TMEM117: variants seen among roughly 807,000 people sequenced by gnomAD.
TMEM117 encodes transmembrane protein 117.
Under a neutral mutation model 52.4 loss-of-function variants are expected in TMEM117, and 27 were observed. The observed-to-expected ratio is 0.51, with a 90% confidence interval of 0.38 to 0.71. The LOEUF (loss-of-function observed/expected upper bound fraction) is 0.71. TMEM117 is among the 30% of genes least tolerant of loss of function. The pLI, the probability that TMEM117 is intolerant of heterozygous loss-of-function variation, is 0.00. For synonymous variants in TMEM117, 215 were observed against 206.3 expected, an observed-to-expected ratio of 1.04 and a Z score of -0.36; for missense variants, 556 against 630.5, an observed-to-expected ratio of 0.88 and a Z score of 1.26.
chr12:44,386,061 C>A (rs952578298), intron 7 of TMEM117, among the ~76,000 whole-genome samples: 6 of 152,102 alleles, frequency 3.9e-5, no homozygotes, highest in Admixed American at 2.6e-4. Flanking sequence ...CAAAATCTTT[C>A]CTGCAGAAAG....
At chr12:44,290,824 A>ATT (rs1236965396) in intron 5 of TMEM117, among the ~76,000 whole-genome samples, 2 of 152,056 alleles carry the variant, frequency 1.3e-5, no homozygotes, top group African/African-American at 4.8e-5. Context: ...TTTTATATAT[A>ATT]AAAGCGAGGT....
intron 2 of TMEM117, among the ~76,000 whole-genome samples, chr12:43,871,713 T>TGTA (rs1943708034): frequency 6.6e-6 from 1 of 152,238 alleles, no homozygotes; most frequent in Non-Finnish European, 1.5e-5. Flanking sequence ...TTGATAATTT[T>TGTA]TGTTAAGAGA....
intron 3 of TMEM117, among the ~76,000 whole-genome samples, chr12:44,046,426 A>G (rs1946882113): frequency 6.6e-6 from 1 of 152,196 alleles, no homozygotes; most frequent in South Asian, 2.1e-4. Context: ...GCATGCATGG[A>G]ATATAGGTGA....
At chr12:44,326,081 T>C (rs1473550276) in intron 6 of TMEM117, among the ~76,000 whole-genome samples, 4 of 152,140 alleles carry the variant, frequency 2.6e-5, no homozygotes, top group Non-Finnish European at 5.9e-5. Context: ...GAGAATTGCT[T>C]GAACCTGGGA....
chr12:44,284,317 A>C (rs1356581930), intron 5 of TMEM117, among the ~76,000 whole-genome samples: 2 of 152,140 alleles, frequency 1.3e-5, no homozygotes, highest in Admixed American at 6.5e-5. Flanking sequence ...TCTCAAAAAA[A>C]AAACAACAAA....
At chr12:44,052,135 A>G (rs375070497) in intron 3 of TMEM117, among the ~76,000 whole-genome samples, 18 of 152,232 alleles carry the variant, frequency 1.2e-4, no homozygotes, top group South Asian at 4.1e-4. Context: ...CATATTAGCA[A>G]TGCTGACAAA....
intron 5 of TMEM117, among the ~76,000 whole-genome samples, chr12:44,227,430 G>A (rs576505782): frequency 2.0e-5 from 3 of 152,164 alleles, no homozygotes; most frequent in African/African-American, 7.2e-5. Context: ...CTCCAGCCTA[G>A]GTGACAGAGA....
At chr12:43,863,606 G>A (rs1290990395) in intron 2 of TMEM117, among the ~76,000 whole-genome samples, 1 of 152,200 alleles carries the variant, frequency 6.6e-6, no homozygotes, top group African/African-American at 2.4e-5. Flanking sequence ...CCCACAGAGG[G>A]AAGCCCCAAA....
chr12:43,958,867 C>T (rs532573276), intron 3 of TMEM117, among the ~76,000 whole-genome samples: 24 of 152,092 alleles, frequency 1.6e-4, no homozygotes, highest in African/African-American at 2.7e-4. Context: ...AGTGCAGTGG[C>T]GGGATCTCGG....
At chr12:44,133,901 A>G (rs575344088) in intron 3 of TMEM117, among the ~76,000 whole-genome samples, 2 of 152,216 alleles carry the variant, frequency 1.3e-5, no homozygotes, top group South Asian at 4.2e-4. Context: ...CTATACTACT[A>G]AATGATGTCT....
At chr12:44,009,919 G>T (rs1167414876) in intron 3 of TMEM117, 4 of 274,386 alleles carry the variant, frequency 1.5e-5, no homozygotes, top group Non-Finnish European at 3.0e-5. Context: ...CTCAATCACT[G>T]ATAGCATAAT....
chr12:44,028,132 G>A (rs11831160), intron 3 of TMEM117, among the ~76,000 whole-genome samples: 2,434 of 152,236 alleles, frequency 0.016, 49 homozygotes, highest in African/African-American at 0.055. Context: ...GGTGGAGTGT[G>A]CAGTGAGCCG....
intron 3 of TMEM117, among the ~76,000 whole-genome samples, chr12:44,087,907 C>T (rs1947599366): frequency 6.6e-6 from 1 of 152,140 alleles, no homozygotes; most frequent in African/African-American, 2.4e-5. Context: ...GAGCTCTAAA[C>T]TGATATAAAA....
chr12:44,020,324 A>G (rs534441333), intron 3 of TMEM117, among the ~76,000 whole-genome samples: 2 of 152,276 alleles, frequency 1.3e-5, no homozygotes, highest in Admixed American at 1.3e-4. Context: ...AAAGTACTAC[A>G]TGGGGCAGTG....
chr12:44,370,961 CAAAT>C (rs1015544851), intron 6 of TMEM117, among the ~76,000 whole-genome samples: 7 of 152,108 alleles, frequency 4.6e-5, no homozygotes, highest in African/African-American at 1.7e-4. Flanking sequence ...CATTAATAAA[CAAAT>C]AAATAAGCAA....
At chr12:44,287,504 G>A (rs1275806599) in intron 5 of TMEM117, among the ~76,000 whole-genome samples, 1 of 152,162 alleles carries the variant, frequency 6.6e-6, no homozygotes, top group African/African-American at 2.4e-5. Context: ...ACATCCATGA[G>A]GTTCCATTTT....
rs150571427 is a variant in TMEM117, at chr12:43,850,262, G to A, written c.277+5334G>A. ...TTCATGGTAAGTAAAAATCTTAGAG[G>A]CCTTCTCAGAACTAGGGTTGATCAG... On this transcript the variant is annotated intron_variant, in intron 2 of 7. Coordinates refer to ENST00000266534, the MANE Select transcript of TMEM117 (RefSeq NM_032256.3). Among the ~76,000 whole-genome samples, 265 of 152,268 alleles carry A rather than the reference G, an allele frequency of 1.7e-3. 4 individuals carry two copies. The highest frequency in any genetic ancestry group is 0.011 in the Admixed American group (174 of 15,296).
At chr12:44,169,663 G>C (rs1279493433) in intron 4 of TMEM117, among the ~76,000 whole-genome samples, 1 of 152,076 alleles carries the variant, frequency 6.6e-6, no homozygotes, top group Admixed American at 6.6e-5. Context: ...TCCTGTGGAT[G>C]GTGTTCTTTG....
chr12:44,091,503 A>G (rs2138045034), intron 3 of TMEM117, among the ~76,000 whole-genome samples: 1 of 152,310 alleles, frequency 6.6e-6, no homozygotes, highest in South Asian at 2.1e-4. Context: ...GCACAGTGTA[A>G]TTTGTACAAT....
Sources: gnomAD v4.1 joint callset for allele counts (sites outside exome capture counted in the v4.1 genomes callset) on GRCh38, gnomAD v4.1.1 for gene constraint, MANE v1.5 for transcripts, NCBI Gene and HGNC (gene_info 2026-07-23, HGNC 2026-07-21) for gene names.